Variants in TIAM1 observed in about 807,000 individuals in gnomAD.
TIAM1 encodes rho guanine nucleotide exchange factor TIAM1.
Under a neutral mutation model 163.5 loss-of-function variants are expected in TIAM1, and 65 were observed. The ratio of observed to expected loss-of-function variants is 0.40; its 90% CI spans 0.33 to 0.49. The LOEUF (loss-of-function observed/expected upper bound fraction) is 0.49, where lower values mean the gene tolerates loss of function less well. Among genes scored for constraint, TIAM1 ranks in the 20% least tolerant of loss-of-function variants. The probability of loss-of-function intolerance (pLI) is 0.77; values close to 1 mark genes in which losing one functional copy is unlikely to be tolerated. For missense variants in TIAM1, 1,789 were observed against 2,044.7 expected (o/e 0.87, Z 2.41); for synonymous variants, 833 against 810.1 (o/e 1.03, Z -0.48).
At chr21:31,530,961 C>T (rs940583785) in intron 1 of TIAM1, among the ~76,000 whole-genome samples, 10 of 152,064 alleles carry the variant, frequency 6.6e-5, no homozygotes, top group African/African-American at 2.4e-4. Flanking sequence ...TCAATCACAG[C>T]GCCACTGACT....
intron 10 of TIAM1, among the ~76,000 whole-genome samples, chr21:31,210,595 AG>A (rs2086702095): frequency 2.0e-4 from 20 of 98,056 alleles, no homozygotes; most frequent in African/African-American, 1.1e-3. Flanking sequence ...AGAAAGAAAG[AG>A]AGAAAGAAGG....
intron 26 of TIAM1, among the ~76,000 whole-genome samples, chr21:31,126,348 C>T (rs2082198837): frequency 6.6e-6 from 1 of 152,200 alleles, no homozygotes; most frequent in South Asian, 2.1e-4. Flanking sequence ...GCAGGCAGAC[C>T]ACGATGTCAG....
At chr21:31,476,152 T>C (rs896844604) in intron 1 of TIAM1, among the ~76,000 whole-genome samples, 1 of 152,232 alleles carries the variant, frequency 6.6e-6, no homozygotes, top group African/African-American at 2.4e-5. Context: ...GGCGATTTAT[T>C]TTTGTTGATT....
At chr21:31,507,149 T>G (rs2147462059) in intron 1 of TIAM1, among the ~76,000 whole-genome samples, 1 of 151,170 alleles carries the variant, frequency 6.6e-6, no homozygotes, top group East Asian at 1.9e-4. Flanking sequence ...AATTCTATTT[T>G]TAATTTTTTG....
chr21:31,256,106 A>G (rs1213616058), intron 4 of TIAM1, among the ~76,000 whole-genome samples: 3 of 152,222 alleles, frequency 2.0e-5, no homozygotes, highest in Admixed American at 2.0e-4. Flanking sequence ...AGGCAAATTC[A>G]AAGCCTGTTT....
chr21:31,558,805 T>C (rs907896671), intron 1 of TIAM1: 2 of 151,890 alleles, frequency 1.3e-5, no homozygotes, highest in African/African-American at 4.8e-5. Context: ...GGAGCCCCAG[T>C]GTGCGGGAGA....
At chr21:31,508,387 CT>C (rs200164021) in intron 1 of TIAM1, among the ~76,000 whole-genome samples, 15,198 of 126,442 alleles carry the variant, frequency 0.12, 1,260 homozygotes, top group East Asian at 0.58. Flanking sequence ...ATTGAAATTT[CT>C]TTTTTTTTTT....
At chr21:31,508,178 C>G (rs73345628) in intron 1 of TIAM1, among the ~76,000 whole-genome samples, 4,839 of 151,772 alleles carry the variant, frequency 0.032, 262 homozygotes, top group African/African-American at 0.11. Context: ...GCCCTGCTCA[C>G]ACCTCAGTCG....
intron 1 of TIAM1, among the ~76,000 whole-genome samples, chr21:31,552,859 A>G (rs950724469): frequency 6.6e-6 from 1 of 152,216 alleles, no homozygotes; most frequent in Non-Finnish European, 1.5e-5. Flanking sequence ...CATCATAAAA[A>G]GGTCAAAACT....
At chr21:31,253,417 A>T (rs916511469) in intron 4 of TIAM1, among the ~76,000 whole-genome samples, 1 of 152,216 alleles carries the variant, frequency 6.6e-6, no homozygotes. Flanking sequence ...GCTGAGAGGC[A>T]ATGGGGGCAG....
chr21:31,187,876 C>T (rs2146463801), intron 13 of TIAM1, among the ~76,000 whole-genome samples: 1 of 152,196 alleles, frequency 6.6e-6, no homozygotes, highest in Non-Finnish European at 1.5e-5. Context: ...TTTGAATGTC[C>T]ACAGTGAATA....
At chr21:31,457,470 C>T (rs1010908984) in intron 2 of TIAM1, among the ~76,000 whole-genome samples, 3 of 152,144 alleles carry the variant, frequency 2.0e-5, no homozygotes, top group Non-Finnish European at 4.4e-5. Context: ...TTTTAACCAT[C>T]AAACACACTT....
intron 1 of TIAM1, among the ~76,000 whole-genome samples, chr21:31,489,576 C>T (rs886738817): frequency 1.3e-5 from 2 of 151,498 alleles, no homozygotes; most frequent in Non-Finnish European, 2.9e-5. Flanking sequence ...TGCAGACCCC[C>T]CCCCCCTTGG....
At chr21:31,468,835 CT>C (rs2045630514) in intron 1 of TIAM1, among the ~76,000 whole-genome samples, 1 of 152,076 alleles carries the variant, frequency 6.6e-6, no homozygotes, top group South Asian at 2.1e-4. Flanking sequence ...CTTCAGATGA[CT>C]TTTCCTCTTT....
At chr21:31,245,746 G>T in intron 5 of TIAM1, 86 bp from the exon 6 acceptor site, 1 of 1,216,094 alleles carries the variant, frequency 8.2e-7, no homozygotes, top group Non-Finnish European at 1.0e-6. Flanking sequence ...TGTGCACCCT[G>T]TCAGAGGCTG....
intron 3 of TIAM1, among the ~76,000 whole-genome samples, chr21:31,276,122 G>A (rs1044538680): frequency 6.6e-6 from 1 of 152,030 alleles, no homozygotes; most frequent in Admixed American, 6.5e-5. Context: ...TTTCCCTACT[G>A]GAGGCTGAGC....
intron 2 of TIAM1, among the ~76,000 whole-genome samples, chr21:31,308,238 G>A (rs1279587442): frequency 6.6e-6 from 1 of 152,056 alleles, no homozygotes; most frequent in Non-Finnish European, 1.5e-5. Flanking sequence ...GAGATGGAGT[G>A]AAATGTCATC....
chr21:31,515,055 G>A (rs2047335887), intron 1 of TIAM1, among the ~76,000 whole-genome samples: 1 of 152,206 alleles, frequency 6.6e-6, no homozygotes, highest in African/African-American at 2.4e-5. Flanking sequence ...TTTGCCAAAG[G>A]ACATTGTGGA....
intron 2 of TIAM1, among the ~76,000 whole-genome samples, chr21:31,450,354 G>A (rs1038102576): frequency 6.6e-6 from 1 of 152,186 alleles, no homozygotes; most frequent in Non-Finnish European, 1.5e-5. Flanking sequence ...GAAGCAGGTC[G>A]TGCTTATTAA....
Sources: gnomAD v4.1 joint callset for allele counts (sites outside exome capture counted in the v4.1 genomes callset) on GRCh38, gnomAD v4.1.1 for gene constraint, MANE v1.5 for transcripts, NCBI Gene and HGNC (gene_info 2026-07-23, HGNC 2026-07-21) for gene names.